Variants in NFATC1 observed in about 807,000 individuals in gnomAD.
NFATC1 encodes nuclear factor of activated T cells 1, also known as nuclear factor of activated T-cells, cytoplasmic 1.
In NFATC1, 22 loss-of-function variants were observed where a neutral mutation model predicts 76.0. The observed-to-expected ratio is 0.29, with a 90% CI of 0.21 to 0.41. The LOEUF (loss-of-function observed/expected upper bound fraction) is 0.41. NFATC1 is among the 10% of genes least tolerant of loss of function. The probability of loss-of-function intolerance (pLI) is 1.00; values close to 1 mark genes in which losing one functional copy is unlikely to be tolerated. For missense variants in NFATC1, 1,357 were observed against 1,337.7 expected (o/e 1.01, Z -0.23); for synonymous variants, 704 against 613.1 (o/e 1.15, Z -2.19).
At chr18:79,481,254 C>T (rs1166841746) in intron 8 of NFATC1, among the ~76,000 whole-genome samples, 3 of 152,242 alleles carry the variant, frequency 2.0e-5, no homozygotes, top group East Asian at 1.9e-4. Flanking sequence ...CAGCTGCGTC[C>T]GCAGAGCTGG....
rs985476497 is a variant in NFATC1 at position 79,457,746 on chromosome 18, A to G, written c.1904-3565A>G. ...CCCCACCCCGGCTCCGACAACCCCA[A>G]TGCCCCCTCGCCGTGGCCTCGCCTG... On this transcript the variant is annotated intron_variant, in intron 6 of 9. Coordinates refer to ENST00000427363, the MANE Select transcript of NFATC1 (RefSeq NM_001278669.2). Among the ~76,000 whole-genome samples, 3 of 152,008 alleles carry G rather than the reference A, an allele frequency of 2.0e-5. No homozygotes were observed. In the East Asian group the frequency reaches 5.8e-4, roughly 29 times the overall value.
In NFATC1 at chr18:79,455,776, TCCCACGGCCGCCCCATCCCACGGCCGCCC is replaced by T. The variant is rs1568984220; in HGVS notation, c.1903+3962_1903+3990del. ...GCCGCCCCATCCCACGGCCGCCCCA[TCCCACGGCCGCCCCATCCCACGGCCGCCC>T]CATCCTCTGGCCCTGGATGTTACCA... is the stretch of plus-strand genomic sequence containing the variant. On this transcript the variant is annotated intron_variant, in intron 6 of 9. Transcript: ENST00000427363. 5.5e-4 allele frequency among the ~76,000 whole-genome samples: 6 copies of T among 10,918 alleles called. No homozygotes were observed. The East Asian group carries it at 8.2e-3, about 15-fold the overall frequency. The allele number at this position is 10,918 out of a possible 152,430, so 7.2% of individuals were successfully genotyped here.
chr18:79,506,328 C>T (rs2090120728), intron 9 of NFATC1, among the ~76,000 whole-genome samples: 1 of 152,144 alleles, frequency 6.6e-6, no homozygotes, highest in Non-Finnish European at 1.5e-5. Context: ...CCTGAGCTTC[C>T]CCAGCAAAGA....
chr18:79,527,597 AGTTC>A lies in NFATC1; in HGVS notation c.*21_*24del, dbSNP rs2090804004. On this transcript the variant is annotated 3_prime_UTR_variant, in exon 10 of 10. Coordinates refer to ENST00000427363, the MANE Select transcript of NFATC1 (RefSeq NM_001278669.2). ...TCCTAGTTGCCACATTGGAGCACTC[AGTTC>A]AGCAGGGGTATGCTGACTTCAGCAG... 1 of 1,611,622 alleles carries A rather than the reference AGTTC, an allele frequency of 6.2e-7. No homozygotes were observed.
chr18:79,483,277 A>AGCGTGACCTGGTCCTGGGGTGTCATTCCG (rs2089366106), intron 8 of NFATC1, among the ~76,000 whole-genome samples: 1 of 110,724 alleles, frequency 9.0e-6, no homozygotes, highest in African/African-American at 3.6e-5. Flanking sequence ...GCGTCACTCC[A>AGCGTGACCTGGTCCTGGGGTGTCATTCCG]GCGTGACCTG....
chr18:79,404,243 G>A (rs8091180), intron 1 of NFATC1, among the ~76,000 whole-genome samples: 71,096 of 152,136 alleles, frequency 0.47, 19,059 homozygotes, highest in East Asian at 0.8. Context: ...TTATTAAGGC[G>A]TTGGCGTGCT....
At chr18:79,477,623 C>T (rs1254975607) in intron 8 of NFATC1, among the ~76,000 whole-genome samples, 1 of 148,008 alleles carries the variant, frequency 6.8e-6, no homozygotes, top group Non-Finnish European at 1.5e-5. Flanking sequence ...CATAGTGGAG[C>T]ACCACCGGCC....
At chr18:79,460,262 C>T (rs537917548) in intron 6 of NFATC1, among the ~76,000 whole-genome samples, 1 of 152,346 alleles carries the variant, frequency 6.6e-6, no homozygotes, top group Non-Finnish European at 1.5e-5. Flanking sequence ...TTGTAACAGA[C>T]ACACATTTTC....
intron 3 of NFATC1, among the ~76,000 whole-genome samples, chr18:79,435,120 A>G (rs1444783116): frequency 6.6e-6 from 1 of 152,220 alleles, no homozygotes; most frequent in Non-Finnish European, 1.5e-5. Context: ...TAGATAGGAC[A>G]AGAAACGAGG....
intron 1 of NFATC1, chr18:79,400,360 C>G (rs1468890188): frequency 2.2e-6 from 3 of 1,391,966 alleles, no homozygotes; most frequent in Non-Finnish European, 1.9e-6. Flanking sequence ...GCCGCGACCC[C>G]GGCTCCCGCC....
At chr18:79,398,269 G>C (rs1017405762) in intron 1 of NFATC1, among the ~76,000 whole-genome samples, 1 of 152,198 alleles carries the variant, frequency 6.6e-6, no homozygotes, top group Non-Finnish European at 1.5e-5. Flanking sequence ...ATGCCCCACG[G>C]GCTGGGGCCA....
intron 9 of NFATC1, among the ~76,000 whole-genome samples, chr18:79,488,777 G>A (rs1326030234): frequency 6.6e-6 from 1 of 152,206 alleles, no homozygotes; most frequent in East Asian, 1.9e-4. Flanking sequence ...GCGGCTGGGA[G>A]ATGCTGAGAA....
chr18:79,425,477 G>C (rs895540247), intron 2 of NFATC1, among the ~76,000 whole-genome samples: 5 of 152,234 alleles, frequency 3.3e-5, no homozygotes, highest in Non-Finnish European at 5.9e-5. Flanking sequence ...CGCTTCGTCT[G>C]TCTGGAAACT....
intron 1 of NFATC1, among the ~76,000 whole-genome samples, chr18:79,397,977 C>A (rs1467849274): frequency 2.0e-5 from 3 of 152,206 alleles, no homozygotes; most frequent in Non-Finnish European, 4.4e-5. Context: ...GTCCTTGATA[C>A]ACACAGGCCG....
intron 3 of NFATC1, among the ~76,000 whole-genome samples, chr18:79,434,262 G>C (rs2086695729): frequency 6.6e-6 from 1 of 152,228 alleles, no homozygotes; most frequent in African/African-American, 2.4e-5. Flanking sequence ...GGGTAGGCCT[G>C]GGCCTGGCAA....
At chr18:79,474,602 G>A (rs551022392) in intron 8 of NFATC1, among the ~76,000 whole-genome samples, 11 of 145,590 alleles carry the variant, frequency 7.6e-5, no homozygotes, top group East Asian at 4.1e-4. Flanking sequence ...GTGTTCTCAC[G>A]CTCACTGTTG....
intron 1 of NFATC1, chr18:79,400,382 C>CCCGGCT (rs770054046): frequency 6.8e-7 from 1 of 1,480,734 alleles, no homozygotes; most frequent in South Asian, 1.3e-5. Flanking sequence ...CGGCCCCGGC[C>CCCGGCT]CGACCCGCCA....
At chr18:79,407,439 C>CTTATTGAT (rs573802548) in intron 1 of NFATC1, among the ~76,000 whole-genome samples, 4 of 152,100 alleles carry the variant, frequency 2.6e-5, no homozygotes, top group Non-Finnish European at 5.9e-5. Context: ...GAAAGACCTC[C>CTTATTGAT]TTATTGATTT....
At chr18:79,405,081 C>A (rs922502509) in intron 1 of NFATC1, among the ~76,000 whole-genome samples, 1 of 152,116 alleles carries the variant, frequency 6.6e-6, no homozygotes, top group East Asian at 1.9e-4. Flanking sequence ...GGGTGCTCCC[C>A]GCGTGGCCGT....
Sources: allele counts gnomAD v4.1 joint callset (sites outside exome capture counted in the v4.1 genomes callset), GRCh38; gene constraint gnomAD v4.1.1; transcripts MANE v1.5; gene names NCBI Gene and HGNC (gene_info 2026-07-23, HGNC 2026-07-21).